GAB2: variants seen among roughly 807,000 people sequenced by gnomAD.
GAB2 encodes the protein GRB2-associated-binding protein 2.
GAB2 carries 26 observed loss-of-function variants against 65.5 expected under a neutral mutation model. The ratio of observed to expected loss-of-function variants is 0.40; its 90% CI spans 0.29 to 0.55. The LOEUF is 0.55. Among genes scored for constraint, GAB2 ranks in the 20% least tolerant of loss-of-function variants. The probability of loss-of-function intolerance (pLI) is 0.53; values close to 1 mark genes in which losing one functional copy is unlikely to be tolerated. For synonymous variants in GAB2, 321 were observed against 329.6 expected (o/e 0.97, Z 0.28); for missense variants, 884 against 875.8 (o/e 1.01, Z -0.12).
intron 1 of GAB2, among the ~76,000 whole-genome samples, chr11:78,328,134 C>T (rs1323455656): frequency 6.6e-6 from 1 of 152,164 alleles, no homozygotes; most frequent in Admixed American, 6.5e-5. Flanking sequence ...CTTCCCTGAG[C>T]AAGATTCCGA....
chr11:78,401,694 T>C (rs996382985), intron 1 of GAB2, among the ~76,000 whole-genome samples: 2 of 152,220 alleles, frequency 1.3e-5, no homozygotes, highest in African/African-American at 4.8e-5. Flanking sequence ...ATAGCATATA[T>C]GTGATATGTA....
At chr11:78,282,398 C>G (rs995154815) in intron 1 of GAB2, among the ~76,000 whole-genome samples, 5 of 151,920 alleles carry the variant, frequency 3.3e-5, no homozygotes, top group African/African-American at 1.2e-4. Flanking sequence ...CCTCTGCCTC[C>G]TGGGTTCAAG....
At chr11:78,352,014 ACCAGCTGGG>A (rs905271165) in intron 1 of GAB2, among the ~76,000 whole-genome samples, 20 of 152,236 alleles carry the variant, frequency 1.3e-4, no homozygotes, top group Admixed American at 4.6e-4. Context: ...GGAGTTCAAG[ACCAGCTGGG>A]CAGCACGGTG....
chr11:78,404,172 A>G (rs1857009936), intron 1 of GAB2, among the ~76,000 whole-genome samples: 1 of 152,252 alleles, frequency 6.6e-6, no homozygotes, highest in Admixed American at 6.5e-5. Flanking sequence ...TTATTATAGT[A>G]GCCAACATGC....
chr11:78,244,998 C>T (rs2134512485), intron 3 of GAB2, among the ~76,000 whole-genome samples: 1 of 152,312 alleles, frequency 6.6e-6, no homozygotes, highest in South Asian at 2.1e-4. Flanking sequence ...ATGTTTATTG[C>T]ATCATTAGTC....
intron 1 of GAB2, among the ~76,000 whole-genome samples, chr11:78,314,218 G>T (rs534485959): frequency 2.6e-5 from 4 of 152,176 alleles, no homozygotes; most frequent in Non-Finnish European, 5.9e-5. Context: ...GGGAGAAACC[G>T]TTGTGATGGT....
In GAB2 at chr11:78,250,366, G is replaced by A. The variant is rs754477381; in HGVS notation, c.411C>T (p.Gly137=). 1.2e-5 allele frequency: 19 copies of A among 1,612,848 alleles called. No individual in the cohort carries two copies. Among genetic ancestry groups the A allele is most frequent in the Non-Finnish European group, 1.6e-5 (19 of 1,179,076 alleles). ...SLRNVSSAGH[G]PRSSPAELSS... Reference sequence around the variant, plus strand: ...TGAGCTCAGCTGGAGAAGAGCGGGGGCCATGACCGGCTGAGGAAACATTTC... The same window carrying A: ...TGAGCTCAGCTGGAGAAGAGCGGGGACCATGACCGGCTGAGGAAACATTTC... Residue 137 remains glycine (G), a synonymous_variant, in exon 3 of 10, where the codon GGC becomes GGT. Coordinates refer to ENST00000361507, the MANE Select transcript of GAB2 (RefSeq NM_080491.3).
intron 1 of GAB2, among the ~76,000 whole-genome samples, chr11:78,296,596 A>G (rs1216662058): frequency 6.6e-6 from 1 of 151,546 alleles, no homozygotes; most frequent in African/African-American, 2.4e-5. Flanking sequence ...TACCCGATAT[A>G]TGACAAAGAA....
chr11:78,328,178 T>C (rs1855857074), intron 1 of GAB2, among the ~76,000 whole-genome samples: 1 of 152,176 alleles, frequency 6.6e-6, no homozygotes, highest in East Asian at 1.9e-4. Flanking sequence ...CTAGGCACTC[T>C]CGGGTCCACA....
At chr11:78,405,660 T>C (rs966375544) in intron 1 of GAB2, among the ~76,000 whole-genome samples, 1 of 152,212 alleles carries the variant, frequency 6.6e-6, no homozygotes, top group African/African-American at 2.4e-5. Context: ...AATCCTTAGA[T>C]ATTACATATA....
chr11:78,372,952 AAAG>A (rs1459747597), intron 1 of GAB2, among the ~76,000 whole-genome samples: 4 of 152,124 alleles, frequency 2.6e-5, no homozygotes, highest in Admixed American at 2.6e-4. Context: ...AGCCTATTAG[AAAG>A]AAGTAGAGTC....
intron 1 of GAB2, among the ~76,000 whole-genome samples, chr11:78,363,091 C>A (rs1856455062): frequency 1.3e-5 from 2 of 152,174 alleles, no homozygotes; most frequent in Non-Finnish European, 2.9e-5. Flanking sequence ...CTCAAGTTAA[C>A]CTTCCTTGGA....
chr11:78,329,275 T>A (rs1565161849), intron 1 of GAB2, among the ~76,000 whole-genome samples: 2 of 152,196 alleles, frequency 1.3e-5, no homozygotes, highest in South Asian at 4.1e-4. Flanking sequence ...GTAGAGAGTT[T>A]ATAAGGCCAG....
chr11:78,341,790 C>T, intron 1 of GAB2: 1 of 986,256 alleles, frequency 1.0e-6, no homozygotes, highest in South Asian at 4.7e-5. Flanking sequence ...GGTCTAATTC[C>T]CTCACTTGTC....
chr11:78,286,429 G>T lies in GAB2; in HGVS notation c.76-5528C>A, dbSNP rs375880059. Among the ~76,000 whole-genome samples, 6 of 151,806 alleles carry T rather than the reference G, an allele frequency of 4.0e-5. No individual in the cohort carries two copies. In the East Asian group the frequency reaches 9.7e-4, roughly 25 times the overall value. On this transcript the variant is annotated intron_variant, in intron 1 of 9. Coordinates refer to ENST00000361507, the MANE Select transcript of GAB2 (RefSeq NM_080491.3). Reference sequence around the variant, plus strand: ...ACCCCACGCTGGCATTTCTTTCCCCGGGTTTGACATTTCTACTCCCTGCTT... The same window carrying T: ...ACCCCACGCTGGCATTTCTTTCCCCTGGTTTGACATTTCTACTCCCTGCTT...
chr11:78,250,744 T>C (rs1192778325), intron 2 of GAB2, among the ~76,000 whole-genome samples: 1 of 152,182 alleles, frequency 6.6e-6, no homozygotes, highest in Non-Finnish European at 1.5e-5. Context: ...TACGACCACC[T>C]TCCCACTCTT....
At chr11:78,385,218 G>A (rs1207030652) in intron 1 of GAB2, among the ~76,000 whole-genome samples, 1 of 152,152 alleles carries the variant, frequency 6.6e-6, no homozygotes, top group African/African-American at 2.4e-5. Flanking sequence ...TTCCAAGGAA[G>A]AAAAGAAACT....
intron 1 of GAB2, among the ~76,000 whole-genome samples, chr11:78,386,980 G>C (rs941342360): frequency 2.0e-5 from 3 of 152,142 alleles, no homozygotes; most frequent in Non-Finnish European, 4.4e-5. Flanking sequence ...AAATCAAAAT[G>C]ACATGTTTTG....
At chr11:78,374,823 T>G (rs189712508) in intron 1 of GAB2, among the ~76,000 whole-genome samples, 28 of 152,320 alleles carry the variant, frequency 1.8e-4, no homozygotes, top group Admixed American at 4.6e-4. Flanking sequence ...GAACATTTTA[T>G]GGGTTTATTC....
Sources: gnomAD v4.1 joint callset for allele counts (sites outside exome capture counted in the v4.1 genomes callset) on GRCh38, gnomAD v4.1.1 for gene constraint, MANE v1.5 for transcripts, NCBI Gene and HGNC (gene_info 2026-07-23, HGNC 2026-07-21) for gene names.